Variants in MMP9 observed in about 807,000 individuals in gnomAD.
The protein encoded by MMP9 is matrix metalloproteinase-9.
In MMP9, 73 loss-of-function variants were observed where a neutral mutation model predicts 76.4. That is an observed-to-expected ratio of 0.96 (90% CI 0.79 to 1.16). The LOEUF (loss-of-function observed/expected upper bound fraction) is 1.16. Among genes scored for constraint, MMP9 ranks in the 50% most tolerant of loss-of-function variants. MMP9 has a pLI of 0.00. For missense variants in MMP9, 943 were observed against 973.0 expected (o/e 0.97, Z 0.41); for synonymous variants, 412 against 408.4 (o/e 1.01, Z -0.11).
Position 46,010,990 on chromosome 20 carries a change from G to T in MMP9, c.589G>T (p.Gly197Cys). Residue 197 changes from glycine to cysteine, a missense_variant, in exon 4 of 13, where the codon GGC becomes TGC. By Grantham distance (159) the Gly-to-Cys change is radical. Coordinates refer to ENST00000372330, the MANE Select transcript of MMP9 (RefSeq NM_004994.3). Reference sequence around the variant, plus strand: ...GGCACACGCCTTTCCTCCTGGCCCCGGCATTCAGGGAGACGCCCATTTCGA... The same window carrying T: ...GGCACACGCCTTTCCTCCTGGCCCCTGCATTCAGGGAGACGCCCATTTCGA... The part of the protein sequence containing the change: ...LLAHAFPPGP[G>C]IQGDAHFDDD... 1 of 1,614,038 alleles carries T rather than the reference G, an allele frequency of 6.2e-7. No homozygotes were observed.
intron 10 of MMP9, 97 bp from the exon 11 acceptor site, chr20:46,014,027 G>C (rs1160741486): frequency 1.3e-6 from 2 of 1,510,308 alleles, no homozygotes; most frequent in East Asian, 4.9e-5. Flanking sequence ...GCGGGCACGC[G>C]GGCTAGGAAA....
At position 46,010,516 on chromosome 20, in the gene MMP9, G is replaced by A. The variant is rs1226913245; in HGVS notation, c.405G>A (p.Ala135=). ...ACTACTCGGAAGACTTGCCGCGGGC[G>A]GTGATTGACGACGCCTTTGCCCGCG... ...IQNYSEDLPR[A]VIDDAFARAF... is the part of the protein sequence containing the mutation. Residue 135 remains alanine, a synonymous_variant, in exon 3 of 13, where the codon GCG becomes GCA. Coordinates refer to ENST00000372330, the MANE Select transcript of MMP9 (RefSeq NM_004994.3). 4 of 1,614,194 alleles carry A rather than the reference G, an allele frequency of 2.5e-6. No individual in the cohort carries two copies. Among genetic ancestry groups the A allele is most frequent in the East Asian group, 2.2e-5 (1 of 44,882 alleles).
Position 46,013,294 on chromosome 20 carries a change from C to T in MMP9, c.1370C>T (p.Thr457Ile). Reference sequence around the variant, plus strand: ...CCTGAGCCACGGCCTCCAACCACCACCACACCGCAGCCCACGGCTCCCCCG... The same window carrying T: ...CCTGAGCCACGGCCTCCAACCACCATCACACCGCAGCCCACGGCTCCCCCG... ...PEPEPRPPTT[T>I]TPQPTAPPTV... is the part of the protein sequence containing the mutation. Residue 457 changes from threonine (T) to isoleucine (I), a missense_variant, in exon 9 of 13, where the codon ACC becomes ATC. Coordinates refer to ENST00000372330, the MANE Select transcript of MMP9 (RefSeq NM_004994.3). This position sits in a 1 kb window ranked among gnomAD's most constrained non-coding sequence, Gnocchi z 4.5. 1 of 1,614,096 alleles carries T rather than the reference C, an allele frequency of 6.2e-7. No individual in the cohort carries two copies. The highest frequency in any genetic ancestry group is 8.5e-7 in the Non-Finnish European group (1 of 1,179,986).
Position 46,009,076 on chromosome 20 carries a change from C to T in MMP9, c.138+12C>T, listed in dbSNP as rs2084259970. Reference sequence around the variant, plus strand: ...GGCAGCTGGCAGAGGTGGGCAAACACCTAGTCTAGAGTTGGGGAGGGCTGT... The same window carrying T: ...GGCAGCTGGCAGAGGTGGGCAAACATCTAGTCTAGAGTTGGGGAGGGCTGT... On this transcript the variant is annotated intron_variant, in intron 1 of 12. Transcript: ENST00000372330. 6.2e-7 allele frequency: 1 copy of T among 1,612,782 alleles called. No homozygotes were observed. Among genetic ancestry groups the T allele is most frequent in the Admixed American group, 1.7e-5 (1 of 59,844 alleles).
chr20:46,014,542 T>A, intron 12 of MMP9, 68 bp downstream of exon 12: 3 of 1,456,808 alleles, frequency 2.1e-6, no homozygotes, highest in South Asian at 2.4e-5. Context: ...GGTCAAATTC[T>A]GAGCGAGGAA....
At chr20:46,012,022 A>C (rs1219594201) in intron 6 of MMP9, 115 bp from the exon 7 acceptor site, 11 of 1,363,672 alleles carry the variant, frequency 8.1e-6, no homozygotes, top group African/African-American at 2.9e-5. Context: ...TCTTCTCAGG[A>C]GTGCTCTACA....
At position 46,012,593 on chromosome 20, in the gene MMP9, G is replaced by A; in HGVS notation, c.1330+11G>A. 6.2e-7 allele frequency: 1 copy of A among 1,613,238 alleles called. No homozygotes were observed. Among genetic ancestry groups the A allele is most frequent in the Non-Finnish European group, 8.5e-7 (1 of 1,179,964 alleles). On this transcript the variant is annotated intron_variant, in intron 8 of 12. Coordinates refer to ENST00000372330, the MANE Select transcript of MMP9 (RefSeq NM_004994.3). ...TCCGGCACCTCTATGGTGAGGCAGG[G>A]GCAGGGATGGGAGGAGGAGGGGAAA...
intron 7 of MMP9, 52 bp downstream of exon 7, chr20:46,012,365 T>A (rs757948759): frequency 7.4e-6 from 12 of 1,612,744 alleles, no homozygotes; most frequent in Non-Finnish European, 1.0e-5. Flanking sequence ...GTGGTGGTGG[T>A]GGGGTGGCCA....
Position 46,010,333 on chromosome 20 carries a change from A to AAAAAACAAAAAAAAAAAAAC in MMP9, c.372-145_372-144insCAAAAAAAAAAAAACAAAAA, listed in dbSNP as rs1555856971. 9 of 828,816 alleles carry AAAAAACAAAAAAAAAAAAAC rather than the reference A, an allele frequency of 1.1e-5. No homozygotes were observed. The African/African-American group carries it at 1.3e-4, about 12-fold the overall frequency. The allele number at this position is 828,816 out of a possible 1,614,324, so 51.3% of individuals were successfully genotyped here. On this transcript the variant is annotated intron_variant, in intron 2 of 12. Transcript: ENST00000372330. The stretch of plus-strand genomic sequence containing the variant: ...GGGTCTAAGTAGACAAAAAAAAAAA[A>AAAAAACAAAAAAAAAAAAAC]AAAAAAAACAGTCTGGAAGCAATTT...
At position 46,011,561 on chromosome 20, in the gene MMP9, C is replaced by A. The variant is rs755098117; in HGVS notation, c.824-13C>A. 6.2e-7 allele frequency: 1 copy of A among 1,613,990 alleles called. No individual in the cohort carries two copies. Among genetic ancestry groups the A allele is most frequent in the Non-Finnish European group, 8.5e-7 (1 of 1,179,940 alleles). On this transcript the variant is annotated splice_polypyrimidine_tract_variant and intron_variant, in intron 5 of 12. Coordinates refer to ENST00000372330, the MANE Select transcript of MMP9 (RefSeq NM_004994.3). ...CCGCCTTCTCCCCCTTTCCCACATCCTCCTCGCCCCAGGACTCTACACCCA... is the reference window on the plus strand; with the variant it reads ...CCGCCTTCTCCCCCTTTCCCACATCATCCTCGCCCCAGGACTCTACACCCA...
chr20:46,010,333 A>AAAAAAACAAAAAAAAAAAC (rs2084270160), intron 2 of MMP9, 150 bp from the exon 3 acceptor site: 1 of 827,448 alleles, frequency 1.2e-6, no homozygotes, highest in African/African-American at 2.2e-5. Context: ...AAAAAAAAAA[A>AAAAAAACAAAAAAAAAAAC]AAAAAAAACA....
chr20:46,012,558 G>A lies in MMP9; in HGVS notation c.1306G>A (p.Val436Met). ...TEGPPLHKDD[V>M]NGIRHLYGPR... ...GGGGCCCCCCTTGCATAAGGACGACGTGAATGGCATCCGGCACCTCTATGG... is the reference window on the plus strand; with the variant it reads ...GGGGCCCCCCTTGCATAAGGACGACATGAATGGCATCCGGCACCTCTATGG... Residue 436 changes from valine (V) to methionine (M), a missense_variant, in exon 8 of 13, where the codon GTG (valine) becomes ATG (methionine). Physicochemically the swap from Val to Met is conservative, Grantham distance 21. Transcript: ENST00000372330. 6.2e-7 allele frequency: 1 copy of A among 1,613,910 alleles called. No individual in the cohort carries two copies. Among genetic ancestry groups the A allele is most frequent in the South Asian group, 1.1e-5 (1 of 91,072 alleles).
intron 6 of MMP9, 35 bp downstream of exon 6, chr20:46,011,782 C>G (rs1568847607): frequency 6.3e-7 from 1 of 1,589,956 alleles, no homozygotes. Context: ...TCAGCCCCGC[C>G]CTCTCATCAT....
intron 3 of MMP9, 132 bp downstream of exon 3, chr20:46,010,763 C>A: frequency 6.5e-7 from 1 of 1,546,994 alleles, no homozygotes; most frequent in Non-Finnish European, 8.8e-7. Flanking sequence ...TATACGGCCC[C>A]TCCTGCCAGA....
chr20:46,010,209 A>C, intron 2 of MMP9, 111 bp downstream of exon 2: 2 of 1,035,836 alleles, frequency 1.9e-6, no homozygotes, highest in Non-Finnish European at 2.8e-6. Context: ...TCACTATTTA[A>C]TGTGTGGCCC....
chr20:46,011,767 CA>C lies in MMP9; in HGVS notation c.997+21del. The C allele has an allele frequency of 6.2e-7, 1 of 1,602,086 alleles. No homozygotes were observed. The highest frequency in any genetic ancestry group is 8.5e-7 in the Non-Finnish European group (1 of 1,177,186). ...CCCGAGGTACCTCCACCCTGTCTAC[CA>C]GGTTCAGCCCCGCCCTCTCATCATG... is the stretch of plus-strand genomic sequence containing the variant. On this transcript the variant is annotated intron_variant, in intron 6 of 12. Transcript: ENST00000372330.
rs1568848663 is a variant in MMP9 at position 46,013,478 on chromosome 20, G to T, written c.1554G>T (p.Val518=). The T allele has an allele frequency of 6.2e-7, 1 of 1,614,120 alleles. No homozygotes were observed. The highest frequency in any genetic ancestry group is 8.5e-7 in the Non-Finnish European group (1 of 1,180,016). ...GTCCGGTGGACGATGCCTGCAACGT[G>T]AACATCTTCGACGCCATCGCGGAGA... The part of the protein sequence containing the change: ...PLSPVDDACN[V]NIFDAIAEIG... Residue 518 remains valine (V), a synonymous_variant, in exon 9 of 13, where the codon GTG becomes GTT. Transcript: ENST00000372330. This position sits in a 1 kb window ranked among gnomAD's most constrained non-coding sequence, Gnocchi z 4.5.
At chr20:46,014,934 C>T (rs929467059) in intron 12 of MMP9, 1 of 170,418 alleles carries the variant, frequency 5.9e-6, no homozygotes, top group African/African-American at 2.4e-5. Flanking sequence ...CAGTCACATC[C>T]AAACAGTTGA....
Position 46,012,207 on chromosome 20 carries a change from G to C in MMP9, c.1068G>C (p.Lys356Asn). ...LCVFPFTFLG[K>N]EYSTCTSEGR... ...TCTTCCCCTTCACTTTCCTGGGTAA[G>C]GAGTACTCGACCTGTACCAGCGAGG... The change falls in exon 7 of 13, where the codon AAG (lysine) becomes AAC (asparagine). Residue 356 changes from lysine (K) to asparagine (N), a missense_variant. By Grantham distance (94) the Lys-to-Asn change is moderately conservative. Transcript: ENST00000372330. 1 of 1,614,170 alleles carries C rather than the reference G, an allele frequency of 6.2e-7. No individual in the cohort carries two copies.
Sources: gnomAD v4.1 joint callset for allele counts on GRCh38, gnomAD v4.1.1 for gene constraint, Gnocchi (gnomAD v3.1) non-coding constraint, MANE v1.5 for transcripts, NCBI Gene and HGNC (gene_info 2026-07-23, HGNC 2026-07-21) for gene names.